Variants in NDUFAF6 observed in about 807,000 individuals in gnomAD.
NDUFAF6 encodes the protein NADH dehydrogenase (ubiquinone) complex I, assembly factor 6.
A neutral mutation model predicts 40.8 loss-of-function variants in NDUFAF6; 45 were observed. The observed-to-expected ratio is 1.10, with a 90% CI of 0.87 to 1.42. The LOEUF (loss-of-function observed/expected upper bound fraction) is 1.42. Among genes scored for constraint, NDUFAF6 ranks in the 40% most tolerant of loss-of-function variants. The pLI, the probability that NDUFAF6 is intolerant of heterozygous loss-of-function variation, is 0.00. For synonymous variants in NDUFAF6, 185 were observed against 155.9 expected, an observed-to-expected ratio of 1.19 and a Z score of -1.39; for missense variants, 435 against 418.5, an observed-to-expected ratio of 1.04 and a Z score of -0.34.
chr8:94,961,865 A>C (rs1823604039), intron 1 of NDUFAF6, among the ~76,000 whole-genome samples: 1 of 152,180 alleles, frequency 6.6e-6, no homozygotes, highest in South Asian at 2.1e-4. Flanking sequence ...ATATTTTGCT[A>C]TGATTCTCCA....
Position 95,057,976 on chromosome 8 carries a change from GT to G in NDUFAF6, c.*43del. ...CATTGATGTTAATTCTAGTCTATTA[GT>G]TTTATAAAAGTTAGGATTCTTATTT... On this transcript the variant is annotated 3_prime_UTR_variant, in exon 9 of 9. Transcript: ENST00000396124. 6.6e-7 allele frequency: 1 copy of G among 1,523,564 alleles called. No homozygotes were observed. Among genetic ancestry groups the G allele is most frequent in the Non-Finnish European group, 9.0e-7 (1 of 1,108,030 alleles). The allele number at this position is 1,523,564 out of a possible 1,614,324, so 94.4% of individuals were successfully genotyped here. A position where few individuals can be genotyped will look rare whatever the true frequency, so the allele number is the denominator to read the frequency against.
At chr8:94,910,243 C>T (rs763435553) in intron 1 of NDUFAF6, among the ~76,000 whole-genome samples, 7 of 152,114 alleles carry the variant, frequency 4.6e-5, no homozygotes, top group Non-Finnish European at 1.0e-4. Context: ...ACCTCTGTCT[C>T]CCGGGTTCAA....
chr8:95,002,557 C>A (rs1826785131), intron 2 of NDUFAF6, among the ~76,000 whole-genome samples: 1 of 152,156 alleles, frequency 6.6e-6, no homozygotes, highest in African/African-American at 2.4e-5. Flanking sequence ...TAAAGTGCTA[C>A]CAGGAATCAC....
At chr8:95,045,974 T>C (rs1830699328) in intron 5 of NDUFAF6, among the ~76,000 whole-genome samples, 1 of 152,092 alleles carries the variant, frequency 6.6e-6, no homozygotes, top group South Asian at 2.1e-4. Context: ...GCCTGACTCT[T>C]CCTTTCGTGT....
At chr8:94,984,879 C>T (rs1825703027) in intron 2 of NDUFAF6, among the ~76,000 whole-genome samples, 1 of 152,126 alleles carries the variant, frequency 6.6e-6, no homozygotes, top group Admixed American at 6.6e-5. Flanking sequence ...CATCATGGAG[C>T]AGAGGTTAAA....
At chr8:94,897,383 A>G (rs1055685254) in intron 1 of NDUFAF6, among the ~76,000 whole-genome samples, 1 of 152,226 alleles carries the variant, frequency 6.6e-6, no homozygotes, top group African/African-American at 2.4e-5. Flanking sequence ...ATTCTCCCAT[A>G]TTACAGATAC....
chr8:94,998,617 A>G (rs1418970881), intron 2 of NDUFAF6, among the ~76,000 whole-genome samples: 1 of 152,186 alleles, frequency 6.6e-6, no homozygotes, highest in Non-Finnish European at 1.5e-5. Flanking sequence ...GAGGACCACA[A>G]AGTCCCTGTT....
chr8:95,064,038 ATTTTTTTTTT>A (rs1160777112), intron 9 of NDUFAF6, among the ~76,000 whole-genome samples: 43 of 104,812 alleles, frequency 4.1e-4, no homozygotes, highest in South Asian at 9.5e-4. Context: ...CGCCTGGCTA[ATTTTTTTTTT>A]TTTTTTTTTT....
chr8:95,078,662 A>AAAAAATATATATAT (rs545018367), downstream of NDUFAF6: 2 of 121,052 alleles, frequency 1.7e-5, no homozygotes, highest in Admixed American at 8.5e-5. Flanking sequence ...AAAAAAAAAA[A>AAAAAATATATATAT]ATATATATAT....
At chr8:95,005,549 A>ATATC (rs1293448593) in intron 2 of NDUFAF6, among the ~76,000 whole-genome samples, 1 of 112,784 alleles carries the variant, frequency 8.9e-6, no homozygotes, top group African/African-American at 3.2e-5. Flanking sequence ...ATATATATAT[A>ATATC]TATAAAAAAT....
At chr8:94,954,119 G>A (rs1822865697), upstream of NDUFAF6, among the ~76,000 whole-genome samples, 3 of 150,698 alleles carry the variant, frequency 2.0e-5, no homozygotes, top group Non-Finnish European at 4.4e-5. Flanking sequence ...CTGGAGTGCA[G>A]TGGCGTGATC....
intron 1 of NDUFAF6, among the ~76,000 whole-genome samples, chr8:94,972,183 C>G (rs78777150): frequency 0.13 from 19,927 of 152,206 alleles, 1,636 homozygotes; most frequent in Middle Eastern, 0.23. Flanking sequence ...TATTCTTTAA[C>G]TGTTTTGGTC....
intron 4 of NDUFAF6, among the ~76,000 whole-genome samples, chr8:95,111,486 A>G (rs1038411017): frequency 6.6e-6 from 1 of 152,248 alleles, no homozygotes; most frequent in Non-Finnish European, 1.5e-5. Context: ...CATACTGCAC[A>G]TTCCTGGATT....
intron 2 of NDUFAF6, among the ~76,000 whole-genome samples, chr8:95,004,153 A>C (rs1003006539): frequency 1.3e-5 from 2 of 151,850 alleles, no homozygotes; most frequent in Admixed American, 1.3e-4. Context: ...ATTGAGTTTG[A>C]GCAGAGGAGG....
intron 1 of NDUFAF6, among the ~76,000 whole-genome samples, chr8:94,958,331 T>A (rs2131462340): frequency 6.6e-6 from 1 of 152,194 alleles, no homozygotes; most frequent in East Asian, 1.9e-4. Context: ...TCAGGGCTGG[T>A]TTCTGCTGAG....
At chr8:95,024,805 C>G (rs1041033283), upstream of NDUFAF6, among the ~76,000 whole-genome samples, 1 of 152,152 alleles carries the variant, frequency 6.6e-6, no homozygotes, top group African/African-American at 2.4e-5. Flanking sequence ...CGGACTTGGG[C>G]GGGTCTTTCC....
upstream of NDUFAF6, among the ~76,000 whole-genome samples, chr8:95,022,877 A>ACGTGT (rs1460225396): frequency 6.6e-6 from 1 of 152,178 alleles, no homozygotes; most frequent in African/African-American, 2.4e-5. Context: ...AATCCCCCTC[A>ACGTGT]CGTGTCATGG....
upstream of NDUFAF6, chr8:95,024,836 C>CGCG: frequency 1.9e-6 from 1 of 528,332 alleles, no homozygotes; most frequent in South Asian, 7.8e-5. Flanking sequence ...GCCAAAGAGT[C>CGCG]GCGGCGGCGG....
intron 2 of NDUFAF6, among the ~76,000 whole-genome samples, chr8:95,033,514 T>C (rs1203792526): frequency 1.3e-5 from 2 of 152,222 alleles, no homozygotes; most frequent in Non-Finnish European, 2.9e-5. Flanking sequence ...CTGTATTCAA[T>C]GCTATACCCA....
Sources: gnomAD v4.1 joint callset for allele counts (sites outside exome capture counted in the v4.1 genomes callset) on GRCh38, gnomAD v4.1.1 for gene constraint, MANE v1.5 for transcripts, NCBI Gene and HGNC (gene_info 2026-07-23, HGNC 2026-07-21) for gene names.